The following GPHN variants were observed in gnomAD, a reference collection of about 807,000 sequenced individuals.
GPHN encodes gephyrin.
GPHN carries 17 observed loss-of-function variants against 95.5 expected under a neutral mutation model. The ratio of observed to expected loss-of-function variants is 0.18; its 90% CI spans 0.12 to 0.27. The LOEUF (loss-of-function observed/expected upper bound fraction) is 0.27. Ranked by LOEUF, GPHN falls within the 10% of genes least tolerant of loss-of-function variation. The pLI, the probability that GPHN is intolerant of heterozygous loss-of-function variation, is 1.00. For synonymous variants in GPHN, 320 were observed against 322.5 expected (o/e 0.99, Z 0.08); for missense variants, 660 against 978.1 (o/e 0.67, Z 4.34).
intron 2 of GPHN, among the ~76,000 whole-genome samples, chr14:66,740,870 A>G (rs1402539072): frequency 1.3e-5 from 2 of 152,290 alleles, no homozygotes; most frequent in East Asian, 3.9e-4. Context: ...GTGCTGTTAT[A>G]ACAGAATACC....
chr14:67,515,958 GCTCACGA>G, the GPHN span, among the ~76,000 whole-genome samples: 2 of 152,230 alleles, frequency 1.3e-5, no homozygotes, highest in Non-Finnish European at 2.9e-5. Context: ...AACTTCTAAG[GCTCACGA>G]TTTGCTTTAT....
intron 4 of GPHN, among the ~76,000 whole-genome samples, chr14:66,843,177 T>C (rs139461812): frequency 4.9e-4 from 75 of 152,234 alleles, no homozygotes; most frequent in African/African-American, 1.6e-3. Flanking sequence ...ATCTGCTGAA[T>C]GATTTGCATT....
At chr14:67,613,588 C>T in the GPHN span, 3 of 218,944 alleles carry the variant, frequency 1.4e-5, no homozygotes, top group African/African-American at 4.6e-5. Context: ...TTCTCACATA[C>T]CTGAGGCAGC....
chr14:67,388,302 C>T, the GPHN span: 3 of 1,606,660 alleles, frequency 1.9e-6, no homozygotes, highest in Non-Finnish European at 2.6e-6. Flanking sequence ...CTGTTCTCTT[C>T]CTGTAGAGGA....
chr14:67,526,890 A>G, the GPHN span, among the ~76,000 whole-genome samples: 1 of 152,186 alleles, frequency 6.6e-6, no homozygotes, highest in Non-Finnish European at 1.5e-5. Flanking sequence ...GAGAGCTTCC[A>G]GTAGGGTATG....
chr14:66,600,503 C>A (rs1260999477), intron 1 of GPHN, among the ~76,000 whole-genome samples: 3 of 152,170 alleles, frequency 2.0e-5, no homozygotes, highest in African/African-American at 7.2e-5. Context: ...CATTTTTGTT[C>A]ACCTATCAAT....
At chr14:67,333,934 ATAGG>A in the GPHN span, 1 of 152,618 alleles carries the variant, frequency 6.6e-6, no homozygotes. Flanking sequence ...CTACGTATAT[ATAGG>A]TAATAAACTG....
Position 66,898,420 on chromosome 14 carries a change from G to A in GPHN, c.390-17583G>A, listed in dbSNP as rs72728701. Among the ~76,000 whole-genome samples the A allele has an allele frequency of 5.6e-3, 709 of 127,208 alleles. 2 individuals are homozygous for A. The highest frequency in any genetic ancestry group is 9.6e-3 in the Middle Eastern group (2 of 208). 83.5% of individuals were successfully genotyped at this position (127,208 alleles called of 152,430 possible). On this transcript the variant is annotated intron_variant, in intron 5 of 22. Coordinates refer to ENST00000478722, the MANE Select transcript of GPHN (RefSeq NM_020806.5). The stretch of plus-strand genomic sequence containing the variant: ...AGGTGTTTTTTCGTTTGGTTGGTTG[G>A]TTGGTTTTTGTGTATGAACGACCAC...
the GPHN span, among the ~76,000 whole-genome samples, chr14:67,468,919 TAAA>T: frequency 1.6e-4 from 23 of 145,142 alleles, no homozygotes; most frequent in East Asian, 4.0e-4. Flanking sequence ...TAATTTTTTT[TAAA>T]AAAAAAAGGG....
At chr14:66,511,963 T>C (rs965046310) in intron 1 of GPHN, among the ~76,000 whole-genome samples, 13 of 152,004 alleles carry the variant, frequency 8.6e-5, no homozygotes, top group Non-Finnish European at 1.5e-4. Context: ...AACTGTCTTA[T>C]GTTGACTTGA....
intron 4 of GPHN, among the ~76,000 whole-genome samples, chr14:66,831,001 A>C (rs1372079966): frequency 6.6e-6 from 1 of 152,052 alleles, no homozygotes; most frequent in Non-Finnish European, 1.5e-5. Flanking sequence ...TCTTTCTTAT[A>C]TTGTAATGCT....
chr14:67,138,127 A>G (rs928782886), intron 17 of GPHN, among the ~76,000 whole-genome samples: 27 of 152,182 alleles, frequency 1.8e-4, no homozygotes, highest in African/African-American at 6.3e-4. Context: ...AAATATTACT[A>G]TATTTAGAAG....
intron 17 of GPHN, among the ~76,000 whole-genome samples, chr14:67,126,885 G>T (rs2079352862): frequency 6.6e-6 from 1 of 151,708 alleles, no homozygotes; most frequent in African/African-American, 2.4e-5. Flanking sequence ...AGAAAATGTG[G>T]CACATATACA....
At chr14:67,032,169 G>GT (rs2074224335) in intron 10 of GPHN, among the ~76,000 whole-genome samples, 1 of 152,124 alleles carries the variant, frequency 6.6e-6, no homozygotes, top group Admixed American at 6.5e-5. Flanking sequence ...CCCTACTCAT[G>GT]GTTTCTTTCT....
the GPHN span, among the ~76,000 whole-genome samples, chr14:67,391,269 A>ATGTGTG: frequency 3.5e-3 from 493 of 139,626 alleles, 3 homozygotes; most frequent in African/African-American, 9.4e-3. Context: ...TAAGCAGCTG[A>ATGTGTG]TATGTGTGTG....
At chr14:67,680,887 G>A in the GPHN span, among the ~76,000 whole-genome samples, 21 of 152,222 alleles carry the variant, frequency 1.4e-4, no homozygotes, top group African/African-American at 5.1e-4. Context: ...CAATGCTATA[G>A]TAATCAAGAT....
the GPHN span, among the ~76,000 whole-genome samples, chr14:67,711,911 G>A: frequency 6.6e-6 from 1 of 152,128 alleles, no homozygotes; most frequent in Non-Finnish European, 1.5e-5. Context: ...ATTTTATTTA[G>A]ATAGGGACTA....
At chr14:67,714,999 T>TA in the GPHN span, 1 of 152,246 alleles carries the variant, frequency 6.6e-6, no homozygotes, top group Non-Finnish European at 1.5e-5. Flanking sequence ...CTGAGAGAAT[T>TA]AATGTGTTTA....
chr14:66,646,101 A>G (rs533392503), intron 1 of GPHN, among the ~76,000 whole-genome samples: 4 of 152,308 alleles, frequency 2.6e-5, no homozygotes, highest in East Asian at 1.9e-4. Flanking sequence ...AAAGAATTCA[A>G]CAGCAACAAA....
Sources: allele counts gnomAD v4.1 joint callset (sites outside exome capture counted in the v4.1 genomes callset), GRCh38; gene constraint gnomAD v4.1.1; transcripts MANE v1.5; gene names NCBI Gene and HGNC (gene_info 2026-07-23, HGNC 2026-07-21).